The following HUS1 variants were observed in gnomAD, a reference collection of about 807,000 sequenced individuals.
HUS1 encodes the protein HUS1 checkpoint clamp component.
A neutral mutation model predicts 32.6 loss-of-function variants in HUS1; 31 were observed. The ratio of observed to expected loss-of-function variants is 0.95; its 90% CI spans 0.72 to 1.28. HUS1 has a LOEUF of 1.28. Ranked by LOEUF, HUS1 falls within the 50% of genes most tolerant of loss-of-function variation. HUS1 has a pLI of 0.00. For missense variants in HUS1, 340 were observed against 337.7 expected (o/e 1.01, Z -0.05); for synonymous variants, 123 against 116.6 (o/e 1.06, Z -0.36).
At chr7:47,971,356 C>T in intron 5 of HUS1, 1 of 382,052 alleles carries the variant, frequency 2.6e-6, no homozygotes, top group Non-Finnish European at 5.3e-6. Flanking sequence ...CACGCCCAGG[C>T]TACCAGACTT....
chr7:47,971,528 G>A, intron 5 of HUS1: 1 of 456,736 alleles, frequency 2.2e-6, no homozygotes, highest in South Asian at 1.5e-5. Context: ...TAGAAGTGAA[G>A]CATATGCCAC....
chr7:47,967,744 A>C, intron 7 of HUS1, 62 bp downstream of exon 7: 2 of 1,367,378 alleles, frequency 1.5e-6, no homozygotes, highest in Non-Finnish European at 2.0e-6. Flanking sequence ...GTTAGACTAG[A>C]GTTGACTGCA....
Position 47,969,202 on chromosome 7 carries a change from C to CTTTGGATAAGTATATTT in HUS1, c.640+16_640+17insAAATATACTTATCCAAA, listed in dbSNP as rs1788543734. On this transcript the variant is annotated intron_variant, in intron 6 of 7. Coordinates refer to ENST00000258774, the MANE Select transcript of HUS1 (RefSeq NM_004507.4). ...TTAACTTATCCAAAGCAAAATATAA[C>CTTTGGATAAGTATATTT]CCACTAGAAAACTTACCTAATGGAG... 1 of 1,270,894 alleles carries CTTTGGATAAGTATATTT rather than the reference C, an allele frequency of 7.9e-7. No homozygotes were observed. Among genetic ancestry groups the CTTTGGATAAGTATATTT allele is most frequent in the South Asian group, 1.3e-5 (1 of 79,428 alleles). The allele number at this position is 1,270,894 out of a possible 1,614,324, so 78.7% of individuals were successfully genotyped here.
At chr7:47,973,954 C>A (rs1168244131) in intron 5 of HUS1, among the ~76,000 whole-genome samples, 1 of 152,184 alleles carries the variant, frequency 6.6e-6, no homozygotes, top group Non-Finnish European at 1.5e-5. Flanking sequence ...AGCCTGACAA[C>A]TGGATCAGCA....
In HUS1 at chr7:47,963,974, G is replaced by A. The variant is rs1283094992; in HGVS notation, c.*1382C>T. On this transcript the variant is annotated 3_prime_UTR_variant, in exon 8 of 8. Transcript: ENST00000258774. Reference sequence around the variant, plus strand: ...TCAAAAGAATCATTCAAATACACTGGTTTTATCAAAAAACATGAAAAAGCC... The same window carrying A: ...TCAAAAGAATCATTCAAATACACTGATTTTATCAAAAAACATGAAAAAGCC... 2 of 151,878 alleles carry A rather than the reference G, an allele frequency of 1.3e-5. No homozygotes were observed. Among genetic ancestry groups the A allele is most frequent in the Admixed American group, 6.6e-5 (1 of 15,234 alleles). The allele number at this position is 151,878 out of a possible 1,614,324, so 9.4% of individuals were successfully genotyped here.
At chr7:47,970,679 C>A (rs1415986959) in intron 5 of HUS1, among the ~76,000 whole-genome samples, 1 of 152,078 alleles carries the variant, frequency 6.6e-6, no homozygotes, top group Non-Finnish European at 1.5e-5. Context: ...ACACCACACA[C>A]CTGGGAAAAC....
Position 47,965,260 on chromosome 7 carries a change from G to T in HUS1, c.*96C>A. The T allele has an allele frequency of 1.3e-6, 1 of 776,538 alleles. No homozygotes were observed. The allele number at this position is 776,538 out of a possible 1,614,324, so 48.1% of individuals were successfully genotyped here. A position where few individuals can be genotyped will look rare whatever the true frequency, so the allele number is the denominator to read the frequency against. ...AAATAAGTACAGTGTGTCGATGTGC[G>T]GTGCTGTGAGGGCACAGACCAGTGA... On this transcript the variant is annotated 3_prime_UTR_variant, in exon 8 of 8. Transcript: ENST00000258774.
chr7:47,969,170 G>C, intron 6 of HUS1, 49 bp downstream of exon 6: 1 of 911,304 alleles, frequency 1.1e-6, no homozygotes, highest in South Asian at 1.4e-5. Context: ...TAGGTTATCT[G>C]AAACAATTAA....
intron 7 of HUS1, among the ~76,000 whole-genome samples, chr7:47,966,365 G>A (rs922333167): frequency 1.3e-5 from 2 of 152,186 alleles, no homozygotes; most frequent in South Asian, 2.1e-4. Context: ...TCTGCTACAC[G>A]TGGAGACACC....
intron 5 of HUS1, 71 bp downstream of exon 5, chr7:47,975,542 G>A: frequency 1.0e-6 from 1 of 956,844 alleles, no homozygotes; most frequent in Admixed American, 1.8e-5. Flanking sequence ...GACTGCTGCA[G>A]GGTGAGCTGG....
At chr7:47,970,888 C>T (rs1788585617) in intron 5 of HUS1, among the ~76,000 whole-genome samples, 1 of 152,132 alleles carries the variant, frequency 6.6e-6, no homozygotes, top group Non-Finnish European at 1.5e-5. Flanking sequence ...ACATGATAAC[C>T]AATGAAATCC....
At chr7:47,972,059 A>T (rs1310294914) in intron 5 of HUS1, among the ~76,000 whole-genome samples, 1 of 151,336 alleles carries the variant, frequency 6.6e-6, no homozygotes, top group Non-Finnish European at 1.5e-5. Context: ...ATCCAAAAAA[A>T]TATATTGTTA....
intron 4 of HUS1, 94 bp from the exon 5 acceptor site, chr7:47,975,781 A>G (rs572958533): frequency 4.5e-6 from 3 of 666,814 alleles, no homozygotes; most frequent in East Asian, 6.0e-5. Context: ...GAACACATGC[A>G]TGCTCAAAAA....
intron 6 of HUS1, chr7:47,968,970 A>G (rs1562586542): frequency 5.3e-6 from 2 of 374,656 alleles, no homozygotes; most frequent in East Asian, 5.2e-5. Context: ...CTTGATCCGA[A>G]TTCTACAGAG....
intron 7 of HUS1, among the ~76,000 whole-genome samples, chr7:47,965,989 G>A (rs1488814111): frequency 6.6e-6 from 1 of 152,100 alleles, no homozygotes; most frequent in Non-Finnish European, 1.5e-5. Flanking sequence ...GACAACCACC[G>A]AGAGCTCGGG....
rs1470370417 is a variant in HUS1 at position 47,978,651 on chromosome 7, C to G, written c.180+38G>C. On this transcript the variant is annotated intron_variant, in intron 2 of 7. Transcript: ENST00000258774. ...TATATGTGATCTTTCCAGTGACAAT[C>G]TGCAGAGTGTGCAGGCCTCTCAGAA... is the stretch of plus-strand genomic sequence containing the variant. The G allele has an allele frequency of 3.1e-6, 5 of 1,612,974 alleles. No individual in the cohort carries two copies. The South Asian group carries it at 5.5e-5, about 18-fold the overall frequency.
At chr7:47,971,478 C>T in intron 5 of HUS1, 1 of 456,770 alleles carries the variant, frequency 2.2e-6, no homozygotes, top group Non-Finnish European at 4.4e-6. Flanking sequence ...CTCCTCTACC[C>T]ACCCCAACAA....
intron 5 of HUS1, among the ~76,000 whole-genome samples, chr7:47,970,005 G>A (rs993381719): frequency 2.0e-5 from 3 of 151,748 alleles, no homozygotes; most frequent in East Asian, 3.9e-4. Flanking sequence ...AGGCCGAGGC[G>A]GGCGGATCAC....
chr7:47,974,949 G>A (rs1166726572), intron 5 of HUS1, among the ~76,000 whole-genome samples: 1 of 152,176 alleles, frequency 6.6e-6, no homozygotes, highest in Admixed American at 6.5e-5. Flanking sequence ...CACGCAGACA[G>A]GAAACTCCAA....
Sources: gnomAD v4.1 joint callset for allele counts (sites outside exome capture counted in the v4.1 genomes callset) on GRCh38, gnomAD v4.1.1 for gene constraint, MANE v1.5 for transcripts, NCBI Gene and HGNC (gene_info 2026-07-23, HGNC 2026-07-21) for gene names.